Variants in HS6ST2 observed in about 807,000 individuals in gnomAD.
HS6ST2 encodes the protein heparan sulfate 6-O-sulfotransferase 2.
In HS6ST2, 17 loss-of-function variants were observed where a neutral mutation model predicts 33.0. The observed-to-expected ratio is 0.52, with a 90% CI of 0.35 to 0.77. The LOEUF (loss-of-function observed/expected upper bound fraction) is 0.77. Among genes scored for constraint, HS6ST2 ranks in the 30% least tolerant of loss-of-function variants. The pLI, the probability that HS6ST2 is intolerant of heterozygous loss-of-function variation, is 0.01. For synonymous variants in HS6ST2, 248 were observed against 237.1 expected (o/e 1.05, Z -0.42); for missense variants, 519 against 551.7 (o/e 0.94, Z 0.59).
At chrX:132,832,101 T>C (rs997963041) in intron 2 of HS6ST2, among the ~76,000 whole-genome samples, 2 of 111,403 alleles carry the variant, frequency 1.8e-5, no homozygotes, top group African/African-American at 6.5e-5. Context: ...ATAGAAATAA[T>C]AGATTGTATG....
At chrX:132,730,562 G>A (rs1182880241) in intron 2 of HS6ST2, among the ~76,000 whole-genome samples, 1 of 111,847 alleles carries the variant, frequency 8.9e-6, no homozygotes, top group Admixed American at 9.4e-5. Flanking sequence ...ATTTAATCAG[G>A]TTCCTGCATA....
intron 2 of HS6ST2, among the ~76,000 whole-genome samples, chrX:132,768,640 G>A (rs2064871194): frequency 1.8e-5 from 2 of 112,141 alleles, no homozygotes; most frequent in Admixed American, 1.9e-4. Flanking sequence ...CAAAAACTGA[G>A]AATTCTTCCA....
At chrX:132,636,491 A>G (rs901320095) in intron 4 of HS6ST2, among the ~76,000 whole-genome samples, 1 of 111,885 alleles carries the variant, frequency 8.9e-6, no homozygotes, top group Non-Finnish European at 1.9e-5. Context: ...CTTTTAATAG[A>G]CCATTCTGAA....
chrX:132,866,339 T>A (rs1177943285), intron 2 of HS6ST2, among the ~76,000 whole-genome samples: 1 of 104,249 alleles, frequency 9.6e-6, no homozygotes, highest in Non-Finnish European at 2.0e-5. Context: ...TTGATCTATA[T>A]CTCTGTTTTG....
chrX:132,711,581 C>G (rs763229936), intron 2 of HS6ST2, among the ~76,000 whole-genome samples: 1 of 111,594 alleles, frequency 9.0e-6, no homozygotes, highest in African/African-American at 3.3e-5. Flanking sequence ...ATAGCTTTCC[C>G]TTGATGTTAC....
In HS6ST2 at chrX:132,865,845, ATTTG is replaced by A. The variant is rs2065971247; in HGVS notation, c.947+90959_947+90962del. 3.6e-5 allele frequency among the ~76,000 whole-genome samples: 4 copies of A among 110,726 alleles called. No homozygotes were observed. In the Admixed American group the frequency reaches 3.8e-4, roughly 11 times the overall value. On this transcript the variant is annotated intron_variant, in intron 2 of 4. Coordinates refer to ENST00000370833, the MANE Select transcript of HS6ST2 (RefSeq NM_001394073.1). The stretch of plus-strand genomic sequence containing the variant: ...GGGTTGTTTGTTTTTTTTCTTGTAA[ATTTG>A]TTTGAGTTCATTGTAGATTCTGGAT...
At chrX:132,658,548 C>G (rs1490408655) in intron 4 of HS6ST2, among the ~76,000 whole-genome samples, 1 of 110,821 alleles carries the variant, frequency 9.0e-6, no homozygotes, top group Admixed American at 9.6e-5. Flanking sequence ...GTGCTTTGGC[C>G]AAAAAATACT....
intron 2 of HS6ST2, among the ~76,000 whole-genome samples, chrX:132,903,702 A>G (rs2066445566): frequency 8.9e-6 from 1 of 112,167 alleles, no homozygotes; most frequent in African/African-American, 3.2e-5. Flanking sequence ...CACAATATCA[A>G]TTTTTATTAC....
intron 2 of HS6ST2, among the ~76,000 whole-genome samples, chrX:132,711,551 C>T (rs1047712575): frequency 1.1e-4 from 12 of 111,362 alleles, no homozygotes; most frequent in Non-Finnish European, 9.4e-5. Context: ...CCCCCAGTTC[C>T]AATATTCTTT....
chrX:132,750,347 GAA>G (rs1156312851), intron 2 of HS6ST2, among the ~76,000 whole-genome samples: 95 of 56,377 alleles, frequency 1.7e-3, no homozygotes, highest in African/African-American at 5.6e-3. Flanking sequence ...TGCCCATCAA[GAA>G]AAAAAAAAAA....
chrX:132,679,584 C>T (rs928131796), intron 3 of HS6ST2, among the ~76,000 whole-genome samples: 2 of 111,159 alleles, frequency 1.8e-5, no homozygotes, highest in Admixed American at 9.5e-5. Context: ...AAGTTTCAGG[C>T]ACCATTGTCA....
At chrX:132,740,988 C>G (rs2064568697) in intron 2 of HS6ST2, among the ~76,000 whole-genome samples, 1 of 112,421 alleles carries the variant, frequency 8.9e-6, no homozygotes, top group African/African-American at 3.2e-5. Flanking sequence ...TTCTTTTCCT[C>G]TGCTCTATAT....
intron 4 of HS6ST2, among the ~76,000 whole-genome samples, chrX:132,647,289 C>T (rs964571923): frequency 9.0e-6 from 1 of 110,842 alleles, no homozygotes; most frequent in Non-Finnish European, 1.9e-5. Flanking sequence ...TGTCCTGACG[C>T]CATAACTCCC....
intron 3 of HS6ST2, among the ~76,000 whole-genome samples, chrX:132,682,638 CTTT>C (rs530839541): frequency 4.4e-5 from 4 of 91,621 alleles, no homozygotes; most frequent in Admixed American, 1.2e-4. Flanking sequence ...ATGACGTTTA[CTTT>C]TTTTTTTTTT....
chrX:132,943,311 G>A (rs901473188), intron 2 of HS6ST2, among the ~76,000 whole-genome samples: 1 of 111,531 alleles, frequency 9.0e-6, no homozygotes, highest in African/African-American at 3.3e-5. Flanking sequence ...AAATATCCCA[G>A]TTGATTTTAA....
chrX:132,746,241 C>T (rs749608297), intron 2 of HS6ST2, among the ~76,000 whole-genome samples: 1 of 111,340 alleles, frequency 9.0e-6, no homozygotes, highest in Non-Finnish European at 1.9e-5. Context: ...CGGCCGGGCA[C>T]GGTGTAATCC....
chrX:132,629,469 T>C (rs181944931), intron 4 of HS6ST2, among the ~76,000 whole-genome samples: 36 of 111,843 alleles, frequency 3.2e-4, no homozygotes, highest in Non-Finnish European at 6.0e-4. Context: ...CTTTATTTCA[T>C]GCCCCCCACT....
chrX:132,835,103 C>A (rs962550306), intron 2 of HS6ST2, among the ~76,000 whole-genome samples: 1 of 111,931 alleles, frequency 8.9e-6, no homozygotes, highest in Non-Finnish European at 1.9e-5. Flanking sequence ...GTGAAGAAAT[C>A]CATTCCTTTT....
intron 2 of HS6ST2, among the ~76,000 whole-genome samples, chrX:132,809,322 G>A (rs943332096): frequency 2.7e-5 from 3 of 112,278 alleles, no homozygotes; most frequent in African/African-American, 9.7e-5. Context: ...CCCTGTAGGT[G>A]ATTCTGATGC....
Sources: allele counts gnomAD v4.1 joint callset (sites outside exome capture counted in the v4.1 genomes callset), GRCh38; gene constraint gnomAD v4.1.1; transcripts MANE v1.5; gene names NCBI Gene and HGNC (gene_info 2026-07-23, HGNC 2026-07-21).